Variants in SLC34A3 observed in about 807,000 individuals in gnomAD.
SLC34A3 encodes the protein solute carrier family 34 member 3, also known as sodium-dependent phosphate transport protein 2C.
In SLC34A3, 60 loss-of-function variants were observed where a neutral mutation model predicts 43.9. That is an observed-to-expected ratio of 1.37 (90% confidence interval 1.11 to 1.70). The LOEUF is 1.70. Among genes scored for constraint, SLC34A3 ranks in the 40% most tolerant of loss-of-function variants. The probability of loss-of-function intolerance (pLI) is 0.00; values close to 1 mark genes in which losing one functional copy is unlikely to be tolerated. For missense variants in SLC34A3, 969 were observed against 823.8 expected (o/e 1.18, Z -2.16); for synonymous variants, 451 against 386.2 (o/e 1.17, Z -1.97).
rs891318434 is a variant in SLC34A3, at chr9:137,236,547, T to C, written c.*131T>C. ...CCTTCTGTGCAAATAAACCAGGCTG[T>C]TATCTGGGGTGGCGGTCCTCACTCC... is the stretch of plus-strand genomic sequence containing the variant. On this transcript the variant is annotated 3_prime_UTR_variant, in exon 13 of 13. Transcript: ENST00000673835. 14 of 829,814 alleles carry C rather than the reference T, an allele frequency of 1.7e-5. No homozygotes were observed. Among genetic ancestry groups the C allele is most frequent in the Non-Finnish European group, 2.4e-5 (12 of 508,154 alleles). The allele number at this position is 829,814 out of a possible 1,614,324, so 51.4% of individuals were successfully genotyped here.
Position 137,234,376 on chromosome 9 carries a change from T to C in SLC34A3, c.1094-40T>C. On this transcript the variant is annotated intron_variant, in intron 10 of 12. Transcript: ENST00000673835. This position sits in a 1 kb window ranked among gnomAD's most constrained non-coding sequence, Gnocchi z 6.9. ...TGACTCGGGGGCTACCTGGCCCTCCTTGTGGGCGCTGGCCAGGGCTGACCC... is the reference window on the plus strand; with the variant it reads ...TGACTCGGGGGCTACCTGGCCCTCCCTGTGGGCGCTGGCCAGGGCTGACCC... The C allele has an allele frequency of 6.3e-7, 1 of 1,594,536 alleles. No individual in the cohort carries two copies. Among genetic ancestry groups the C allele is most frequent in the Non-Finnish European group, 8.5e-7 (1 of 1,176,536 alleles).
intron 8 of SLC34A3, 57 bp downstream of exon 8, chr9:137,233,779 T>TTGCCCCCCCCCCCCCCCCCCCCACCC: frequency 6.9e-7 from 1 of 1,445,826 alleles, no homozygotes. Flanking sequence ...TGCTGAGTCA[T>TTGCCCCCCCCCCCCCCCCCCCCACCC]CCCGCCCCAC....
At position 137,232,221 on chromosome 9, in the gene SLC34A3, G is replaced by T. The variant is rs573197572; in HGVS notation, c.175+60G>T. ...AGGCCTCTGTCCCCAACGGGACTGG[G>T]GAGACAGAGCAGGGTGGGGCCTGCC... On this transcript the variant is annotated intron_variant, in intron 3 of 12. Transcript: ENST00000673835. 6.5e-3 allele frequency: 9,842 copies of T among 1,517,448 alleles called. 47 individuals are homozygous for T. Among genetic ancestry groups the T allele is most frequent in the Non-Finnish European group, 8.0e-3 (8,749 of 1,095,164 alleles). The allele number at this position is 1,517,448 out of a possible 1,614,324, so 94.0% of individuals were successfully genotyped here.
chr9:137,232,686 C>A lies in SLC34A3; in HGVS notation c.287C>A (p.Ala96Asp). 1 of 1,612,924 alleles carries A rather than the reference C, an allele frequency of 6.2e-7. No individual in the cohort carries two copies. ...FICSLDVLSS[A>D]FQLLGSKVAG... ...TGCTCTCTGGACGTCCTCAGCTCCGCCTTCCAGCTGCTGGGCAGTGAGTGA... is the reference window on the plus strand; with the variant it reads ...TGCTCTCTGGACGTCCTCAGCTCCGACTTCCAGCTGCTGGGCAGTGAGTGA... Residue 96 changes from alanine to aspartate, a missense_variant, in exon 4 of 13, where the codon GCC (alanine) becomes GAC (aspartate). Transcript: ENST00000673835.
chr9:137,233,409 G>C lies in SLC34A3; in HGVS notation c.756+5G>C, dbSNP rs749918055. The C allele has an allele frequency of 1.3e-6, 2 of 1,599,206 alleles. No individual in the cohort carries two copies. The highest frequency in any genetic ancestry group is 1.7e-4 in the Middle Eastern group (1 of 5,918). On this transcript the variant is annotated splice_donor_5th_base_variant and intron_variant, in intron 7 of 12. Transcript: ENST00000673835. ...CTCACACACCTCATCGTGCAGGTGA[G>C]GACGGCCACCGCCCCCGCCCAGAGA...
intron 8 of SLC34A3, 57 bp downstream of exon 8, chr9:137,233,779 T>TGGGGCCCCCCC: frequency 1.4e-6 from 2 of 1,445,776 alleles, no homozygotes; most frequent in Non-Finnish European, 1.9e-6. Context: ...TGCTGAGTCA[T>TGGGGCCCCCCC]CCCGCCCCAC....
rs370472204 is a variant in SLC34A3 at position 137,232,588 on chromosome 9, C to T, written c.189C>T (p.Ala63=). 2.7e-5 allele frequency: 43 copies of T among 1,608,892 alleles called. No homozygotes were observed. The highest frequency in any genetic ancestry group is 1.1e-4 in the East Asian group (5 of 44,592). Residue 63 remains alanine, a synonymous_variant, in exon 4 of 13, where the codon GCC becomes GCT. Coordinates refer to ENST00000673835, the MANE Select transcript of SLC34A3 (RefSeq NM_001177316.2). ...CTGTGTCCTCAGAGCTCCGCGTGGC[C>T]GGCAGGCTGCGCCGCGTGGCCGGCA... The part of the protein sequence containing the change: ...TSQPWKELRV[A]GRLRRVAGSV...
Position 137,234,108 on chromosome 9 carries a change from G to A in SLC34A3, c.926-1G>A, listed in dbSNP as rs1183338426. On this transcript the variant is annotated splice_acceptor_variant, in intron 9 of 12. Transcript: ENST00000673835. LOFTEE classifies it high-confidence loss of function. The surrounding 1 kb of genome is among the most constrained non-coding windows in gnomAD (Gnocchi z 6.9). ...CTCACCTGCCCCTGCCCTGCCCCCA[G>A]GCCGCCACCTGTTTGCGGGCACGGA... is the stretch of plus-strand genomic sequence containing the variant. 1.5e-6 allele frequency: 2 copies of A among 1,311,678 alleles called. No individual in the cohort carries two copies. The highest frequency in any genetic ancestry group is 4.3e-5 in the East Asian group (1 of 23,358). 81.3% of individuals were successfully genotyped at this position (1,311,678 alleles called of 1,614,324 possible).
rs749268991 is a variant in SLC34A3, at chr9:137,232,792, G to T, written c.313G>T (p.Ala105Ser). Residue 105 changes from alanine (A) to serine (S), a missense_variant, in exon 5 of 13, where the codon GCC becomes TCC. By Grantham distance (99) the Ala-to-Ser change is moderately conservative. Transcript: ENST00000673835. ...SAFQLLGSKV[A>S]GDIFKDNVVL... ...CTCTCTTGCCGGTGTAGGCAAAGTG[G>T]CCGGAGACATCTTCAAGGACAACGT... 4 of 1,613,068 alleles carry T rather than the reference G, an allele frequency of 2.5e-6. No individual in the cohort carries two copies. In the Admixed American group the frequency reaches 6.7e-5, roughly 27 times the overall value.
chr9:137,233,445 G>T, intron 7 of SLC34A3, 41 bp downstream of exon 7: 1 of 1,590,878 alleles, frequency 6.3e-7, no homozygotes. Flanking sequence ...GCCTGAGCAG[G>T]CCGGATGGGA....
In SLC34A3 at chr9:137,231,768, A is replaced by G; in HGVS notation, c.66A>G (p.Glu22=). Reference sequence around the variant, plus strand: ...CTCTGGACGCGGTTGACCTAGTGGAAAAGACTCTGAGGAATGAAGGTACCA... The same window carrying G: ...CTCTGGACGCGGTTGACCTAGTGGAGAAGACTCTGAGGAATGAAGGTACCA... ...HPTLDAVDLV[E]KTLRNEGTSS... is the part of the protein sequence containing the mutation. The change falls in exon 2 of 13, where the codon GAA becomes GAG. Residue 22 remains glutamate (E), a synonymous_variant. Coordinates refer to ENST00000673835, the MANE Select transcript of SLC34A3 (RefSeq NM_001177316.2). 6.2e-7 allele frequency: 1 copy of G among 1,613,174 alleles called. No individual in the cohort carries two copies. The highest frequency in any genetic ancestry group is 8.5e-7 in the Non-Finnish European group (1 of 1,179,942).
chr9:137,235,949 C>A lies in SLC34A3; in HGVS notation c.1336-3C>A. 1 of 1,611,364 alleles carries A rather than the reference C, an allele frequency of 6.2e-7. No individual in the cohort carries two copies. Among genetic ancestry groups the A allele is most frequent in the Non-Finnish European group, 8.5e-7 (1 of 1,179,764 alleles). On this transcript the variant is annotated splice_polypyrimidine_tract_variant and splice_region_variant and intron_variant, in intron 12 of 12. Transcript: ENST00000673835. ...AGGCCCCTGACAGCCCCCTCGCCCCCAGGTCGCCCTCATCCACTTCTTCTT... is the reference window on the plus strand; with the variant it reads ...AGGCCCCTGACAGCCCCCTCGCCCCAAGGTCGCCCTCATCCACTTCTTCTT...
At chr9:137,233,164 G>GCCCGGGCCCCCCCCCCCCCCCCCCC in intron 6 of SLC34A3, 45 bp from the exon 7 acceptor site, 1 of 1,244,790 alleles carries the variant, frequency 8.0e-7, no homozygotes, top group Non-Finnish European at 1.1e-6. Context: ...GGCAGCCCCA[G>GCCCGGGCCCCCCCCCCCCCCCCCCC]CCCGGGCCCC....
rs1249446818 is a variant in SLC34A3, at chr9:137,235,971, T to C, written c.1355T>C (p.Phe452Ser). The C allele has an allele frequency of 6.2e-7, 1 of 1,612,286 alleles. No homozygotes were observed. The highest frequency in any genetic ancestry group is 8.5e-7 in the Non-Finnish European group (1 of 1,179,838). Residue 452 changes from phenylalanine to serine, a missense_variant, in exon 13 of 13, where the codon TTC (phenylalanine) becomes TCC (serine). By Grantham distance (155) the Phe-to-Ser change is radical (BLOSUM62 -2). Coordinates refer to ENST00000673835, the MANE Select transcript of SLC34A3 (RefSeq NM_001177316.2). ...CCCCAGGTCGCCCTCATCCACTTCT[T>C]CTTCAACCTGGCCGGCATCCTGCTG... is the stretch of plus-strand genomic sequence containing the variant. ...SALQVALIHF[F>S]FNLAGILLWY...
At chr9:137,233,430 AGAGAGCCT>A (rs772696686) in intron 7 of SLC34A3, 26 bp downstream of exon 7, 1 of 1,591,180 alleles carries the variant, frequency 6.3e-7, no homozygotes, top group Admixed American at 1.8e-5. Flanking sequence ...GCCCCCGCCC[AGAGAGCCT>A]GAGCAGGCCG....
intron 7 of SLC34A3, 85 bp downstream of exon 7, chr9:137,233,489 C>A: frequency 6.3e-7 from 1 of 1,580,552 alleles, no homozygotes; most frequent in Non-Finnish European, 8.7e-7. Flanking sequence ...GATGGAGGGT[C>A]AGCGGAGGGT....
intron 3 of SLC34A3, 94 bp from the exon 4 acceptor site, chr9:137,232,481 G>A (rs1274431037): frequency 1.3e-6 from 2 of 1,544,830 alleles, no homozygotes; most frequent in Non-Finnish European, 1.8e-6. Context: ...CCCTGTTGGA[G>A]ACAGAGGAGA....
intron 3 of SLC34A3, 105 bp downstream of exon 3, chr9:137,232,266 G>A (rs1836263985): frequency 1.8e-6 from 2 of 1,140,118 alleles, no homozygotes; most frequent in Non-Finnish European, 1.3e-6. Flanking sequence ...TGTGTGTGGG[G>A]AACTCCGCCA....
In SLC34A3 at chr9:137,234,663, G is replaced by A. The variant is rs758354118; in HGVS notation, c.1267G>A (p.Gly423Ser). The A allele has an allele frequency of 4.7e-5, 76 of 1,612,234 alleles. No individual in the cohort carries two copies. Among genetic ancestry groups the A allele is most frequent in the East Asian group, 3.1e-4 (14 of 44,886 alleles). The change falls in exon 12 of 13, where the codon GGC (glycine) becomes AGC (serine). Residue 423 changes from glycine to serine, a missense_variant. Gly to Ser is a moderately conservative substitution (Grantham distance 56). Transcript: ENST00000673835. This position sits in a 1 kb window ranked among gnomAD's most constrained non-coding sequence, Gnocchi z 6.9. ...AYPLLLGSNI[G>S]TTTTALLAAL... Reference sequence around the variant, plus strand: ...CCCCCTCTTACTGGGCTCCAACATCGGCACCACTACCACAGCCCTGCTGGC... The same window carrying A: ...CCCCCTCTTACTGGGCTCCAACATCAGCACCACTACCACAGCCCTGCTGGC...
Sources: allele counts gnomAD v4.1 joint callset, GRCh38; gene constraint gnomAD v4.1.1; non-coding constraint Gnocchi (gnomAD v3.1); transcripts MANE v1.5; gene names NCBI Gene and HGNC (gene_info 2026-07-23, HGNC 2026-07-21).